Variants in CAMK4 observed in about 807,000 individuals in gnomAD.
CAMK4 encodes calcium/calmodulin dependent protein kinase IV.
In CAMK4, 22 loss-of-function variants were observed where a neutral mutation model predicts 44.9. The ratio of observed to expected loss-of-function variants is 0.49; its 90% CI spans 0.35 to 0.70. The LOEUF (loss-of-function observed/expected upper bound fraction) is 0.70, where lower values mean the gene tolerates loss of function less well. Ranked by LOEUF, CAMK4 falls within the 30% of genes least tolerant of loss-of-function variation. The pLI, the probability that CAMK4 is intolerant of heterozygous loss-of-function variation, is 0.01. For synonymous variants in CAMK4, 218 were observed against 215.4 expected (o/e 1.01, Z -0.11); for missense variants, 498 against 586.8 (o/e 0.85, Z 1.56).
At chr5:111,425,937 A>G (rs917025247) in intron 5 of CAMK4, among the ~76,000 whole-genome samples, 1 of 152,210 alleles carries the variant, frequency 6.6e-6, no homozygotes, top group Non-Finnish European at 1.5e-5. Context: ...AATTGGCAAT[A>G]TCAGACAATT....
In CAMK4 at chr5:111,482,467, T is replaced by G. The variant is rs1392729729; in HGVS notation, c.829-318T>G. 4.9e-6 allele frequency: 1 copy of G among 202,634 alleles called. No individual in the cohort carries two copies. Among genetic ancestry groups the G allele is most frequent in the African/African-American group, 2.3e-5 (1 of 43,506 alleles). The allele number at this position is 202,634 out of a possible 1,614,324, so 12.6% of individuals were successfully genotyped here. A position where few individuals can be genotyped will look rare whatever the true frequency, so the allele number is the denominator to read the frequency against. On this transcript the variant is annotated intron_variant, in intron 9 of 10. Transcript: ENST00000282356. The surrounding 1 kb of genome is among the most constrained non-coding windows in gnomAD (Gnocchi z 4.9). ...GTGATTGTGAAGCGCAGCCCAGAAT[T>G]ATTTTGCTGGTTCTGCCTTCAAAGA...
chr5:111,396,631 CTTTTTTTTTTTTT>C (rs540495109), intron 5 of CAMK4, among the ~76,000 whole-genome samples: 43 of 47,018 alleles, frequency 9.1e-4, no homozygotes, highest in African/African-American at 3.7e-3. Context: ...AACTCATATT[CTTTTTTTTTTTTT>C]TTTTTTTTTT....
chr5:111,407,060 A>G (rs932742998), intron 5 of CAMK4, among the ~76,000 whole-genome samples: 6 of 152,226 alleles, frequency 3.9e-5, no homozygotes, highest in Non-Finnish European at 8.8e-5. Context: ...GCAGCATGAA[A>G]GAAAAACACA....
chr5:111,340,914 T>G (rs1222621073), intron 1 of CAMK4, among the ~76,000 whole-genome samples: 1 of 151,112 alleles, frequency 6.6e-6, no homozygotes, highest in African/African-American at 2.4e-5. Context: ...TGTTCAGATT[T>G]TCTATTTCTT....
chr5:111,364,808 A>G (rs1054771097), intron 2 of CAMK4: 4 of 152,132 alleles, frequency 2.6e-5, no homozygotes, highest in East Asian at 1.9e-4. Context: ...TACAATGCTC[A>G]AAGACAAGCT....
chr5:111,332,747 A>G (rs1561419032), intron 1 of CAMK4, among the ~76,000 whole-genome samples: 3 of 151,688 alleles, frequency 2.0e-5, no homozygotes, highest in African/African-American at 7.3e-5. Flanking sequence ...TTCAGGGATT[A>G]CAACATTGGT....
intron 5 of CAMK4, among the ~76,000 whole-genome samples, chr5:111,401,198 G>T (rs898840838): frequency 6.6e-6 from 1 of 152,148 alleles, no homozygotes; most frequent in East Asian, 1.9e-4. Context: ...GAGTGCAGTG[G>T]TGTGATCTTG....
intron 1 of CAMK4, among the ~76,000 whole-genome samples, chr5:111,246,501 C>T (rs983364843): frequency 6.6e-6 from 1 of 152,144 alleles, no homozygotes; most frequent in African/African-American, 2.4e-5. Flanking sequence ...ACATGCAGTT[C>T]GACTTGGTAC....
At chr5:111,428,937 G>C (rs553643117) in intron 5 of CAMK4, among the ~76,000 whole-genome samples, 4 of 152,218 alleles carry the variant, frequency 2.6e-5, no homozygotes, top group East Asian at 1.9e-4. Flanking sequence ...GAAATATCTT[G>C]AAACAAATGA....
intron 1 of CAMK4, among the ~76,000 whole-genome samples, chr5:111,294,418 A>G (rs1166384152): frequency 6.6e-6 from 1 of 152,228 alleles, no homozygotes; most frequent in Non-Finnish European, 1.5e-5. Context: ...TGCATTAGGA[A>G]TGTGCATATT....
intron 2 of CAMK4, among the ~76,000 whole-genome samples, chr5:111,364,314 A>G (rs546858443): frequency 1.3e-5 from 2 of 152,112 alleles, no homozygotes; most frequent in African/African-American, 2.4e-5. Flanking sequence ...TGCTCTATCT[A>G]TCAGGTTCTT....
chr5:111,312,175 G>T (rs550850248), intron 1 of CAMK4, among the ~76,000 whole-genome samples: 2 of 152,108 alleles, frequency 1.3e-5, no homozygotes, highest in African/African-American at 2.4e-5. Flanking sequence ...CTTTCTTGCA[G>T]CTGGATGCCA....
At chr5:111,330,156 T>G (rs968189) in intron 1 of CAMK4, among the ~76,000 whole-genome samples, 62,165 of 149,378 alleles carry the variant, frequency 0.42, 13,487 homozygotes, top group Middle Eastern at 0.56. Flanking sequence ...TGGCAAGGTT[T>G]TAAGATAAAT....
rs972332522 is a variant in CAMK4, at chr5:111,488,325, G to A, written c.*3859G>A. ...CATTTTTTAAGATTTCCTTAGAAGG[G>A]TTTAATCAACACTGCCATTACACAT... On this transcript the variant is annotated 3_prime_UTR_variant, in exon 11 of 11. Coordinates refer to ENST00000282356, the MANE Select transcript of CAMK4 (RefSeq NM_001744.6). 2.0e-5 allele frequency: 3 copies of A among 152,108 alleles called. No individual in the cohort carries two copies. Among genetic ancestry groups the A allele is most frequent in the Non-Finnish European group, 2.9e-5 (2 of 68,008 alleles). 9.4% of individuals were successfully genotyped at this position (152,108 alleles called of 1,614,324 possible).
At chr5:111,251,110 G>C (rs956786004) in intron 1 of CAMK4, among the ~76,000 whole-genome samples, 4 of 152,210 alleles carry the variant, frequency 2.6e-5, no homozygotes, top group Admixed American at 2.6e-4. Context: ...GTATCTGTTA[G>C]AGTTGCGTAG....
intron 1 of CAMK4, among the ~76,000 whole-genome samples, chr5:111,231,762 T>C (rs898983190): frequency 1.1e-4 from 16 of 152,214 alleles, no homozygotes; most frequent in African/African-American, 3.6e-4. Context: ...TTTCACTAAA[T>C]TGAAAACTGT....
Position 111,440,907 on chromosome 5 carries a change from G to A in CAMK4, c.460-5779G>A, listed in dbSNP as rs189486969. ...ATGTGAAATAGCAAGGATAGAGTCCGAATAGCTACCATTTACACATAGAAT... is the reference window on the plus strand; with the variant it reads ...ATGTGAAATAGCAAGGATAGAGTCCAAATAGCTACCATTTACACATAGAAT... On this transcript the variant is annotated intron_variant, in intron 5 of 10. Coordinates refer to ENST00000282356, the MANE Select transcript of CAMK4 (RefSeq NM_001744.6). Among the ~76,000 whole-genome samples the A allele has an allele frequency of 2.4e-3, 358 of 152,238 alleles. 1 individual carries two copies. Among genetic ancestry groups the A allele is most frequent in the African/African-American group, 7.8e-3 (322 of 41,548 alleles).
intron 1 of CAMK4, among the ~76,000 whole-genome samples, chr5:111,227,985 G>A (rs984274582): frequency 1.3e-5 from 2 of 152,176 alleles, no homozygotes; most frequent in Admixed American, 6.6e-5. Flanking sequence ...TGAGGGAGAA[G>A]GGAGCTGCCT....
intron 7 of CAMK4, among the ~76,000 whole-genome samples, chr5:111,456,477 C>T (rs1037769812): frequency 1.0e-4 from 15 of 145,314 alleles, no homozygotes; most frequent in Non-Finnish European, 1.4e-4. Context: ...GGCGACAGAG[C>T]GAGACTCCAT....
Sources: gnomAD v4.1 joint callset for allele counts (sites outside exome capture counted in the v4.1 genomes callset) on GRCh38, gnomAD v4.1.1 for gene constraint, Gnocchi (gnomAD v3.1) non-coding constraint, MANE v1.5 for transcripts, NCBI Gene and HGNC (gene_info 2026-07-23, HGNC 2026-07-21) for gene names.